The following SGCD variants were observed in gnomAD, a reference collection of about 807,000 sequenced individuals.
SGCD encodes sarcoglycan delta, also known as delta-sarcoglycan.
Under a neutral mutation model 36.6 loss-of-function variants are expected in SGCD, and 18 were observed. That is an observed-to-expected ratio of 0.49 (90% CI 0.34 to 0.73). The LOEUF (loss-of-function observed/expected upper bound fraction) is 0.73, where lower values mean the gene tolerates loss of function less well. Among genes scored for constraint, SGCD ranks in the 30% least tolerant of loss-of-function variants. The pLI, the probability that SGCD is intolerant of heterozygous loss-of-function variation, is 0.01. For synonymous variants in SGCD, 133 were observed against 130.6 expected, an observed-to-expected ratio of 1.02 and a Z score of -0.12; for missense variants, 387 against 346.7, an observed-to-expected ratio of 1.12 and a Z score of -0.92.
upstream of SGCD, among the ~76,000 whole-genome samples, chr5:156,323,371 G>T (rs767125493): frequency 6.6e-6 from 1 of 152,124 alleles, no homozygotes; most frequent in African/African-American, 2.4e-5. Flanking sequence ...GGTGACAAAG[G>T]GAATCTGAAA....
At chr5:156,393,642 T>C in intron 3 of SGCD, 1 of 439,140 alleles carries the variant, frequency 2.3e-6, no homozygotes, top group South Asian at 1.6e-5. Flanking sequence ...AGTGAGAGTA[T>C]TTACACCACA....
chr5:156,515,190 G>T (rs185852319), intron 4 of SGCD, among the ~76,000 whole-genome samples: 4 of 151,568 alleles, frequency 2.6e-5, no homozygotes, highest in African/African-American at 7.3e-5. Flanking sequence ...AAACATTTTT[G>T]CTGGGTCTAG....
At chr5:156,076,947 G>A (rs1247793490) in intron 1 of SGCD, among the ~76,000 whole-genome samples, 2 of 152,082 alleles carry the variant, frequency 1.3e-5, no homozygotes, top group Non-Finnish European at 2.9e-5. Flanking sequence ...TTAAGATTGG[G>A]CCAAAAGCTT....
intron 4 of SGCD, among the ~76,000 whole-genome samples, chr5:156,526,509 T>C (rs191947073): frequency 3.0e-4 from 45 of 152,264 alleles, no homozygotes; most frequent in African/African-American, 9.4e-4. Flanking sequence ...AATTAAGAAG[T>C]TAACTGGACC....
chr5:156,081,419 G>A (rs1336860940), intron 1 of SGCD, among the ~76,000 whole-genome samples: 1 of 151,904 alleles, frequency 6.6e-6, no homozygotes, highest in Admixed American at 6.6e-5. Context: ...TTTGAGACAG[G>A]GTCTCACTCT....
At chr5:156,593,941 A>G (rs1445750118) in intron 5 of SGCD, among the ~76,000 whole-genome samples, 1 of 152,198 alleles carries the variant, frequency 6.6e-6, no homozygotes, top group Non-Finnish European at 1.5e-5. Context: ...TTTTTTCTGT[A>G]GGAACTTCTA....
At chr5:155,767,490 C>T in the SGCD span, among the ~76,000 whole-genome samples, 3 of 152,276 alleles carry the variant, frequency 2.0e-5, no homozygotes, top group Non-Finnish European at 2.9e-5. Flanking sequence ...AAGATAAGGT[C>T]CAGGGAGAGT....
intron 3 of SGCD, among the ~76,000 whole-genome samples, chr5:156,497,136 A>G (rs1756228939): frequency 6.6e-6 from 1 of 151,718 alleles, no homozygotes; most frequent in Non-Finnish European, 1.5e-5. Context: ...GGATATTAAA[A>G]TGCTCTCCCT....
At chr5:155,798,931 T>C in the SGCD span, among the ~76,000 whole-genome samples, 6 of 152,216 alleles carry the variant, frequency 3.9e-5, no homozygotes, top group African/African-American at 1.2e-4. Flanking sequence ...AAGAACTTTA[T>C]GCAAGTGTTT....
At chr5:156,109,707 A>G (rs910692132) in intron 1 of SGCD, among the ~76,000 whole-genome samples, 1 of 152,068 alleles carries the variant, frequency 6.6e-6, no homozygotes, top group Non-Finnish European at 1.5e-5. Context: ...AACCCCCTTC[A>G]GCCTCCATCT....
At chr5:156,151,501 A>G (rs1308491178) in intron 3 of SGCD, among the ~76,000 whole-genome samples, 1 of 151,624 alleles carries the variant, frequency 6.6e-6, no homozygotes, top group Non-Finnish European at 1.5e-5. Context: ...ATTTATATTT[A>G]TAGTGCAGAA....
chr5:156,638,123 C>T (rs1345168616), intron 6 of SGCD, among the ~76,000 whole-genome samples: 2 of 151,586 alleles, frequency 1.3e-5, no homozygotes, highest in East Asian at 1.9e-4. Context: ...TAAAATCATA[C>T]ACTTTTTTTT....
chr5:156,112,379 C>T (rs939537700), intron 1 of SGCD, among the ~76,000 whole-genome samples: 2 of 152,098 alleles, frequency 1.3e-5, no homozygotes, highest in Non-Finnish European at 2.9e-5. Context: ...TAATAGCCAG[C>T]CACCTAAGTC....
chr5:156,761,063 A>G lies in SGCD; in HGVS notation c.*1673A>G, dbSNP rs188040122. On this transcript the variant is annotated 3_prime_UTR_variant, in exon 9 of 9. Coordinates refer to ENST00000337851, the MANE Select transcript of SGCD (RefSeq NM_000337.6). ...ATTTGTAGGCCTGGGTGGCATTTGG[A>G]TTTTTCTTTTCCCTCAACAAGGTTT... 1 of 152,248 alleles carries G rather than the reference A, an allele frequency of 6.6e-6. No individual in the cohort carries two copies. The highest frequency in any genetic ancestry group is 1.5e-5 in the Non-Finnish European group (1 of 68,018). 9.4% of individuals were successfully genotyped at this position (152,248 alleles called of 1,614,324 possible). A position where few individuals can be genotyped will look rare whatever the true frequency, so the allele number is the denominator to read the frequency against.
intron 3 of SGCD, among the ~76,000 whole-genome samples, chr5:156,477,767 T>TGGAG (rs1271413649): frequency 2.0e-5 from 3 of 151,146 alleles, no homozygotes; most frequent in Admixed American, 2.0e-4. Context: ...CTAATAGTAA[T>TGGAG]GGAGGTAAAA....
At chr5:156,086,895 A>T (rs928679829) in intron 1 of SGCD, among the ~76,000 whole-genome samples, 2 of 152,194 alleles carry the variant, frequency 1.3e-5, no homozygotes, top group African/African-American at 2.4e-5. Context: ...TGGATAGTGG[A>T]TATGCATTCT....
At chr5:156,535,862 T>C (rs1019582271) in intron 4 of SGCD, among the ~76,000 whole-genome samples, 1 of 152,140 alleles carries the variant, frequency 6.6e-6, no homozygotes, top group African/African-American at 2.4e-5. Flanking sequence ...TGCAATAAGG[T>C]AATTAAAGCA....
At chr5:156,116,923 G>A (rs990703200) in intron 1 of SGCD, among the ~76,000 whole-genome samples, 1 of 152,032 alleles carries the variant, frequency 6.6e-6, no homozygotes, top group Non-Finnish European at 1.5e-5. Flanking sequence ...TGGGGGTTGG[G>A]CAGTAATTCT....
intron 3 of SGCD, among the ~76,000 whole-genome samples, chr5:156,381,627 A>G (rs7737163): frequency 0.73 from 111,064 of 152,144 alleles, 41,590 homozygotes; most frequent in East Asian, 0.91. Flanking sequence ...TTTCTATATG[A>G]CACATATAGT....
Sources: allele counts gnomAD v4.1 joint callset (sites outside exome capture counted in the v4.1 genomes callset), GRCh38; gene constraint gnomAD v4.1.1; transcripts MANE v1.5; gene names NCBI Gene and HGNC (gene_info 2026-07-23, HGNC 2026-07-21).